The following CTNND2 variants were observed in gnomAD, a reference collection of about 807,000 sequenced individuals.
The protein encoded by CTNND2 is catenin delta-2.
A neutral mutation model predicts 144.4 loss-of-function variants in CTNND2; 22 were observed. The observed-to-expected ratio is 0.15, with a 90% CI of 0.11 to 0.22. The LOEUF (loss-of-function observed/expected upper bound fraction) is 0.22, where lower values mean the gene tolerates loss of function less well. Among genes scored for constraint, CTNND2 ranks in the 10% least tolerant of loss-of-function variants. CTNND2 has a pLI of 1.00. For missense variants in CTNND2, 1,353 were observed against 1,618.8 expected (o/e 0.84, Z 2.82); for synonymous variants, 751 against 695.6 (o/e 1.08, Z -1.25).
At chr5:11,558,047 G>A (rs1001586727) in intron 3 of CTNND2, among the ~76,000 whole-genome samples, 40 of 152,318 alleles carry the variant, frequency 2.6e-4, no homozygotes, top group Admixed American at 7.2e-4. Flanking sequence ...ATTAACAAAG[G>A]GGGAGGTGAC....
intron 2 of CTNND2, among the ~76,000 whole-genome samples, chr5:11,671,027 G>A (rs10074077): frequency 0.012 from 1,814 of 152,130 alleles, 30 homozygotes; most frequent in African/African-American, 0.038. Context: ...TTTCTCCTTC[G>A]TTTATGAAAC....
chr5:11,523,157 A>G (rs151219646), intron 3 of CTNND2, among the ~76,000 whole-genome samples: 1 of 152,300 alleles, frequency 6.6e-6, no homozygotes, highest in East Asian at 1.9e-4. Flanking sequence ...ACATAATATA[A>G]TTATGGAGGA....
chr5:11,331,637 T>G (rs1198546317), intron 9 of CTNND2, among the ~76,000 whole-genome samples: 2 of 152,186 alleles, frequency 1.3e-5, no homozygotes, highest in East Asian at 1.9e-4. Context: ...CCTGACTATT[T>G]GTACTTAGAA....
At chr5:11,344,894 G>T (rs1050049547) in intron 9 of CTNND2, among the ~76,000 whole-genome samples, 1 of 152,094 alleles carries the variant, frequency 6.6e-6, no homozygotes, top group Non-Finnish European at 1.5e-5. Flanking sequence ...ATTAAATACA[G>T]AAGCTATGCT....
Position 11,052,015 on chromosome 5 carries a change from T to C in CTNND2, c.2789-29036A>G, listed in dbSNP as rs148220336. ...ACGGTAATCCCAGTGTTTGTGACTA[T>C]GTAAATGTGGTTTCAAGCGGGCCGG... On this transcript the variant is annotated intron_variant, in intron 16 of 21. Transcript: ENST00000304623. Among the ~76,000 whole-genome samples the C allele has an allele frequency of 3.4e-3, 525 of 152,296 alleles. 1 individual carries two copies. The highest frequency in any genetic ancestry group is 5.7e-3 in the Non-Finnish European group (391 of 68,018).
At chr5:11,416,289 ACT>A (rs1761931719) in intron 3 of CTNND2, among the ~76,000 whole-genome samples, 1 of 152,170 alleles carries the variant, frequency 6.6e-6, no homozygotes, top group Non-Finnish European at 1.5e-5. Flanking sequence ...AAAAGAAGAA[ACT>A]CTTTTTATTA....
chr5:11,201,145 G>T (rs1737401426), intron 10 of CTNND2, among the ~76,000 whole-genome samples: 1 of 152,124 alleles, frequency 6.6e-6, no homozygotes, highest in Admixed American at 6.5e-5. Context: ...TAACTTATTT[G>T]TTATGTTTAT....
intron 18 of CTNND2, among the ~76,000 whole-genome samples, chr5:11,007,653 G>A (rs1740629021): frequency 6.6e-6 from 1 of 152,248 alleles, no homozygotes; most frequent in African/African-American, 2.4e-5. Flanking sequence ...TAGGGCAAAG[G>A]AGTCATGGAC....
chr5:11,666,962 C>T (rs1251208287), intron 2 of CTNND2, among the ~76,000 whole-genome samples: 1 of 152,036 alleles, frequency 6.6e-6, no homozygotes, highest in African/African-American at 2.4e-5. Flanking sequence ...GTTCCCCTCC[C>T]TGTGTCCATG....
chr5:11,228,353 C>CAAA (rs564048343), intron 10 of CTNND2, among the ~76,000 whole-genome samples: 21 of 26,708 alleles, frequency 7.9e-4, no homozygotes, highest in East Asian at 1.4e-3. Context: ...CTCTCTCTCT[C>CAAA]AAAAAAAAAA....
At chr5:11,837,756 T>G (rs1581979119) in intron 1 of CTNND2, among the ~76,000 whole-genome samples, 1 of 152,094 alleles carries the variant, frequency 6.6e-6, no homozygotes, top group African/African-American at 2.4e-5. Flanking sequence ...AAAACAAAGG[T>G]TTTTTTCTGG....
intron 1 of CTNND2, among the ~76,000 whole-genome samples, chr5:11,798,376 TTAG>T (rs1353172282): frequency 1.3e-5 from 2 of 152,222 alleles, no homozygotes; most frequent in Non-Finnish European, 2.9e-5. Context: ...TTCATGTATG[TTAG>T]ACTCTTTCTA....
chr5:11,088,815 A>C (rs1459532819), intron 15 of CTNND2, among the ~76,000 whole-genome samples: 1 of 152,200 alleles, frequency 6.6e-6, no homozygotes, highest in Non-Finnish European at 1.5e-5. Flanking sequence ...TATAAATCTA[A>C]TATATTAGCA....
At chr5:11,824,902 G>A (rs1274163647) in intron 1 of CTNND2, among the ~76,000 whole-genome samples, 1 of 152,140 alleles carries the variant, frequency 6.6e-6, no homozygotes, top group African/African-American at 2.4e-5. Context: ...AACAATAATA[G>A]CTGCAAGATA....
chr5:11,241,268 T>C (rs987035896), intron 9 of CTNND2, among the ~76,000 whole-genome samples: 22 of 152,200 alleles, frequency 1.4e-4, no homozygotes, highest in African/African-American at 2.4e-4. Flanking sequence ...GATTCTCCAG[T>C]GGCTTCCCAC....
At chr5:11,529,529 T>A (rs1034154074) in intron 3 of CTNND2, among the ~76,000 whole-genome samples, 1 of 152,104 alleles carries the variant, frequency 6.6e-6, no homozygotes, top group African/African-American at 2.4e-5. Context: ...GGAAAAAAAA[T>A]GATTCAATAA....
intron 15 of CTNND2, 64 bp downstream of exon 15, chr5:11,098,511 T>C (rs1423996287): frequency 1.8e-5 from 25 of 1,421,564 alleles, no homozygotes; most frequent in South Asian, 2.8e-5. Flanking sequence ...ACTGGACTTA[T>C]ATTGTTTTCT....
intron 9 of CTNND2, among the ~76,000 whole-genome samples, chr5:11,273,665 C>G (rs1292740818): frequency 6.6e-6 from 1 of 152,128 alleles, no homozygotes; most frequent in African/African-American, 2.4e-5. Context: ...GAGCTGTTCC[C>G]GTCTCCTTGC....
At chr5:11,581,563 G>C (rs1297757413) in intron 2 of CTNND2, among the ~76,000 whole-genome samples, 1 of 152,202 alleles carries the variant, frequency 6.6e-6, no homozygotes. Flanking sequence ...CCAGCCCCTA[G>C]ATGGATTGCA....
Sources: gnomAD v4.1 joint callset for allele counts (sites outside exome capture counted in the v4.1 genomes callset) on GRCh38, gnomAD v4.1.1 for gene constraint, MANE v1.5 for transcripts, NCBI Gene and HGNC (gene_info 2026-07-23, HGNC 2026-07-21) for gene names.